ZNF284: variants seen among roughly 807,000 people sequenced by gnomAD.
The protein encoded by ZNF284 is zinc finger protein 284.
Under a neutral mutation model 12.9 loss-of-function variants are expected in ZNF284, and 12 were observed. That is an observed-to-expected ratio of 0.93 (90% CI 0.60 to 1.51). ZNF284 has a LOEUF of 1.51. Ranked by LOEUF, ZNF284 falls within the 40% of genes most tolerant of loss-of-function variation. The pLI, the probability that ZNF284 is intolerant of heterozygous loss-of-function variation, is 0.00. For synonymous variants in ZNF284, 225 were observed against 236.5 expected, an observed-to-expected ratio of 0.95 and a Z score of 0.45; for missense variants, 667 against 707.3, an observed-to-expected ratio of 0.94 and a Z score of 0.65.
chr19:44,086,198 C>T lies in ZNF284; in HGVS notation c.720C>T (p.Phe240=). ...AATGTGAGCAGTGTGGGAAAAGTTT[C>T]AGCCGTAGATCAGGAATGTATGTTC... ...PFKCEQCGKS[F]SRRSGMYVHC... Residue 240 remains phenylalanine, a synonymous_variant, in exon 5 of 5, where the codon TTC becomes TTT. Transcript: ENST00000421176. The T allele has an allele frequency of 6.2e-7, 1 of 1,614,156 alleles. No individual in the cohort carries two copies. The highest frequency in any genetic ancestry group is 8.5e-7 in the Non-Finnish European group (1 of 1,180,024).
intron 1 of ZNF284, among the ~76,000 whole-genome samples, chr19:44,073,280 AG>A (rs1238143288): frequency 6.6e-6 from 1 of 152,232 alleles, no homozygotes; most frequent in Admixed American, 6.5e-5. Context: ...ATTGAGGCAG[AG>A]GAACTAGCTG....
rs377207886 is a variant in ZNF284, at chr19:44,087,156, G to A, written c.1678G>A (p.Asp560Asn). 3.4e-5 allele frequency: 55 copies of A among 1,613,844 alleles called. No individual in the cohort carries two copies. Among genetic ancestry groups the A allele is most frequent in the African/African-American group, 3.2e-4 (24 of 74,882 alleles). ...TTCATGCCTTCAAGACCAACAAAGCGACCACAGTGGAGAAAAAACATCCAA... is the reference window on the plus strand; with the variant it reads ...TTCATGCCTTCAAGACCAACAAAGCAACCACAGTGGAGAAAAAACATCCAA... ...HSSCLQDQQS[D>N]HSGEKTSKCE... Residue 560 changes from aspartate to asparagine, a missense_variant, in exon 5 of 5, where the codon GAC (aspartate) becomes AAC (asparagine). Physicochemically the swap from Asp to Asn is conservative, Grantham distance 23 (BLOSUM62 1). Coordinates refer to ENST00000421176, the MANE Select transcript of ZNF284 (RefSeq NM_001037813.4).
chr19:44,085,683 AC>A (rs751853441), intron 4 of ZNF284, 30 bp from the exon 5 acceptor site: 1 of 1,552,836 alleles, frequency 6.4e-7, no homozygotes, highest in East Asian at 2.2e-5. Context: ...GGTTTCACTT[AC>A]CCACATCTCT....
chr19:44,076,566 T>C (rs909225632), intron 2 of ZNF284, among the ~76,000 whole-genome samples, 162 bp downstream of exon 2: 1 of 152,194 alleles, frequency 6.6e-6, no homozygotes, highest in Non-Finnish European at 1.5e-5. Context: ...AATTTGCGTT[T>C]GGATTTGATT....
rs765538171 is a variant in ZNF284 at position 44,085,821 on chromosome 19, C to G, written c.343C>G (p.Gln115Glu). ...AACTGCAAGTGAGTTAACTAGACCT[C>G]AAGACTCCATAAGTAGCTCTCAGTT... ...EQTASELTRP[Q>E]DSISSSQFST... The change falls in exon 5 of 5, where the codon CAA becomes GAA. Residue 115 changes from glutamine to glutamate, a missense_variant. Gln to Glu is a conservative substitution (Grantham distance 29). Coordinates refer to ENST00000421176, the MANE Select transcript of ZNF284 (RefSeq NM_001037813.4). 1.4e-5 allele frequency: 23 copies of G among 1,607,914 alleles called. No homozygotes were observed. The East Asian group carries it at 4.9e-4, about 34-fold the overall frequency.
In ZNF284 at chr19:44,076,336, T is replaced by A; in HGVS notation, c.-54T>A. 6.3e-7 allele frequency: 1 copy of A among 1,585,902 alleles called. No homozygotes were observed. Among genetic ancestry groups the A allele is most frequent in the Non-Finnish European group, 8.6e-7 (1 of 1,163,486 alleles). On this transcript the variant is annotated 5_prime_UTR_variant, in exon 2 of 5. Coordinates refer to ENST00000421176, the MANE Select transcript of ZNF284 (RefSeq NM_001037813.4). ...GCATGTTTCAGGCACAATTCTGTCTTCTCTTGAACTGCATAACTGAGAACT... is the reference window on the plus strand; with the variant it reads ...GCATGTTTCAGGCACAATTCTGTCTACTCTTGAACTGCATAACTGAGAACT...
intron 2 of ZNF284, among the ~76,000 whole-genome samples, chr19:44,077,009 G>A (rs780069873): frequency 4.6e-5 from 7 of 151,928 alleles, no homozygotes; most frequent in African/African-American, 7.3e-5. Context: ...TAGTAGAGAC[G>A]GGGTTTCACC....
rs756341420 is a variant in ZNF284 at position 44,082,048 on chromosome 19, C to G, written c.178C>G (p.Gln60Glu). ...TTCCCACCGAGATACTTTTCACTTCCAAAGAGAAGAAAAGTTTTGGATCAT... is the reference window on the plus strand; with the variant it reads ...TTCCCACCGAGATACTTTTCACTTCGAAAGAGAAGAAAAGTTTTGGATCAT... ...QLSHRDTFHF[Q>E]REEKFWIMET... Residue 60 changes from glutamine (Q) to glutamate (E), a missense_variant, in exon 4 of 5, where the codon CAA (glutamine) becomes GAA (glutamate). Transcript: ENST00000421176. 6.2e-7 allele frequency: 1 copy of G among 1,613,766 alleles called. No individual in the cohort carries two copies. Among genetic ancestry groups the G allele is most frequent in the East Asian group, 2.2e-5 (1 of 44,850 alleles).
At chr19:44,072,952 T>C (rs146060996) in intron 1 of ZNF284, among the ~76,000 whole-genome samples, 1 of 151,940 alleles carries the variant, frequency 6.6e-6, no homozygotes, top group Admixed American at 6.6e-5. Context: ...TCCACGAGAG[T>C]GGTCCTTGGC....
chr19:44,079,505 C>T (rs919766338), intron 2 of ZNF284, among the ~76,000 whole-genome samples: 4 of 151,922 alleles, frequency 2.6e-5, no homozygotes, highest in Non-Finnish European at 4.4e-5. Flanking sequence ...GTGAGGAGAT[C>T]GAGACCATCC....
intron 4 of ZNF284, among the ~76,000 whole-genome samples, chr19:44,083,474 T>TATATATATATATAGAGAGAGAGAGAGAG (rs746837013): frequency 1.5e-5 from 1 of 64,926 alleles, no homozygotes; most frequent in African/African-American, 5.0e-5. Flanking sequence ...TATATATATA[T>TATATATATATATAGAGAGAGAGAGAGAG]AGAGAGAGAG....
rs780339358 is a variant in ZNF284, at chr19:44,076,405, G to T, written c.15+1G>T. On this transcript the variant is annotated splice_donor_variant, in intron 2 of 4. Coordinates refer to ENST00000421176, the MANE Select transcript of ZNF284 (RefSeq NM_001037813.4). LOFTEE classifies it high-confidence loss of function. ...AGGAGGAAAAATGACCATGTTCAAG[G>T]TGAGTAAGTCTGGTCTCTTTTGCTG... 5 of 1,609,370 alleles carry T rather than the reference G, an allele frequency of 3.1e-6. No homozygotes were observed. In the South Asian group the frequency reaches 3.3e-5, roughly 11 times the overall value.
rs746837013 is a variant in ZNF284 at position 44,083,474 on chromosome 19, T to TATATATATAGAGAGAG, written c.235+1370_235+1371insTATATATAGAGAGAGA. 1.7e-4 allele frequency among the ~76,000 whole-genome samples: 11 copies of TATATATATAGAGAGAG among 64,920 alleles called. No homozygotes were observed. The South Asian group carries it at 3.4e-3, about 20-fold the overall frequency. 42.6% of individuals were successfully genotyped at this position (64,920 alleles called of 152,430 possible). A position where few individuals can be genotyped will look rare whatever the true frequency, so the allele number is the denominator to read the frequency against. ...AAATATATATATATATATATATATATAGAGAGAGAGAGAGAGAGAGAGAGA... is the reference window on the plus strand; with the variant it reads ...AAATATATATATATATATATATATATATATATATAGAGAGAGAGAGAGAGAGAGAGAGAGAGAGAGA... On this transcript the variant is annotated intron_variant, in intron 4 of 4. Transcript: ENST00000421176.
At chr19:44,077,433 T>C (rs566340796) in intron 2 of ZNF284, among the ~76,000 whole-genome samples, 57 of 152,174 alleles carry the variant, frequency 3.7e-4, no homozygotes, top group African/African-American at 1.2e-3. Context: ...TTTCGGTGAA[T>C]CTTGCCAGTT....
chr19:44,088,802 T>A lies in ZNF284; in HGVS notation c.*1542T>A, dbSNP rs943265919. ...GTTGTACCACTATAAACTCTGACCATTATTAGGCAAGAATTGGCTTTTTTT... is the reference window on the plus strand; with the variant it reads ...GTTGTACCACTATAAACTCTGACCAATATTAGGCAAGAATTGGCTTTTTTT... On this transcript the variant is annotated 3_prime_UTR_variant, in exon 5 of 5. Transcript: ENST00000421176. 1 of 150,496 alleles carries A rather than the reference T, an allele frequency of 6.6e-6. No homozygotes were observed. The highest frequency in any genetic ancestry group is 1.5e-5 in the Non-Finnish European group (1 of 67,858). 9.3% of individuals were successfully genotyped at this position (150,496 alleles called of 1,614,324 possible).
At chr19:44,072,735 A>G (rs1966965584) in intron 1 of ZNF284, among the ~76,000 whole-genome samples, 3 of 152,202 alleles carry the variant, frequency 2.0e-5, no homozygotes, top group Non-Finnish European at 4.4e-5. Context: ...CTTGTCTCTG[A>G]TTCCTGCAGG....
chr19:44,074,532 G>A (rs1175083531), intron 1 of ZNF284, among the ~76,000 whole-genome samples: 1 of 152,096 alleles, frequency 6.6e-6, no homozygotes, highest in East Asian at 1.9e-4. Context: ...ATACCACCAG[G>A]AACATACCTG....
intron 1 of ZNF284, among the ~76,000 whole-genome samples, chr19:44,075,570 A>T (rs1967014402): frequency 6.6e-6 from 1 of 152,130 alleles, no homozygotes; most frequent in Non-Finnish European, 1.5e-5. Flanking sequence ...TACTTTTTTT[A>T]AATTTTGAAA....
intron 2 of ZNF284, among the ~76,000 whole-genome samples, chr19:44,080,228 C>T (rs959156493): frequency 2.6e-5 from 4 of 152,220 alleles, no homozygotes; most frequent in East Asian, 3.9e-4. Flanking sequence ...ATGTAGTTTG[C>T]GTCTTGAATA....
Sources: allele counts gnomAD v4.1 joint callset (sites outside exome capture counted in the v4.1 genomes callset), GRCh38; gene constraint gnomAD v4.1.1; transcripts MANE v1.5; gene names NCBI Gene and HGNC (gene_info 2026-07-23, HGNC 2026-07-21).